The following PCDHA4 variants were observed in gnomAD, a reference collection of about 807,000 sequenced individuals.
The protein encoded by PCDHA4 is protocadherin alpha 4.
PCDHA4 carries 49 observed loss-of-function variants against 61.4 expected under a neutral mutation model. The ratio of observed to expected loss-of-function variants is 0.80; its 90% CI spans 0.63 to 1.01. PCDHA4 has a LOEUF of 1.01. PCDHA4 is among the 50% of genes least tolerant of loss of function. PCDHA4 has a pLI of 0.00. For synonymous variants in PCDHA4, 590 were observed against 550.3 expected (o/e 1.07, Z -1.01); for missense variants, 1,254 against 1,235.8 (o/e 1.01, Z -0.22).
chr5:140,807,106 C>A lies in PCDHA4; in HGVS notation c.-82C>A. The A allele has an allele frequency of 2.1e-6, 3 of 1,458,318 alleles. No individual in the cohort carries two copies. The highest frequency in any genetic ancestry group is 2.8e-6 in the Non-Finnish European group (3 of 1,070,358). 90.3% of individuals were successfully genotyped at this position (1,458,318 alleles called of 1,614,324 possible). On this transcript the variant is annotated 5_prime_UTR_variant, in exon 1 of 4. It adds an upstream start codon to the 5' untranslated region. Coordinates refer to ENST00000530339, the MANE Select transcript of PCDHA4 (RefSeq NM_018907.4). ...GGAGTCTGAAATATGGAGGATGCAG[C>A]TGCACTTGACTGACCGATTAAAAGA...
chr5:140,876,802 G>C, intron 1 of PCDHA4: 2 of 1,614,248 alleles, frequency 1.2e-6, no homozygotes. Context: ...AGTGTCCGTG[G>C]AGGTGGCCGA....
chr5:140,851,781 A>G, intron 1 of PCDHA4: 1 of 959,776 alleles, frequency 1.0e-6, no homozygotes. Context: ...AATTTAGATG[A>G]GAATTCACTT....
chr5:140,826,533 T>C (rs1313512596), intron 1 of PCDHA4, among the ~76,000 whole-genome samples: 3 of 152,198 alleles, frequency 2.0e-5, no homozygotes, highest in African/African-American at 7.2e-5. Context: ...AAAAGTCTTA[T>C]TGGTGACTCT....
At chr5:140,871,627 G>A (rs1448842330) in intron 1 of PCDHA4, 32 of 1,398,812 alleles carry the variant, frequency 2.3e-5, no homozygotes, top group African/African-American at 4.4e-5. Flanking sequence ...AGATAACAAT[G>A]TCTGTTCATA....
rs57893927 is a variant in PCDHA4, at chr5:140,946,631, T to TATATATATATATATATAC, written c.2386-32317_2386-32316insTATATATATATATATACA. Among the ~76,000 whole-genome samples, 374 of 131,796 alleles carry TATATATATATATATATAC rather than the reference T, an allele frequency of 2.8e-3. 24 individuals carry two copies. The highest frequency in any genetic ancestry group is 0.011 in the African/African-American group (320 of 28,670). 86.5% of individuals were successfully genotyped at this position (131,796 alleles called of 152,430 possible). ...TGTGAAATATATATATATATATATA[T>TATATATATATATATATAC]ACAATGGAATACTCATCAGCCATTA... On this transcript the variant is annotated intron_variant, in intron 1 of 3. Coordinates refer to ENST00000530339, the MANE Select transcript of PCDHA4 (RefSeq NM_018907.4).
At chr5:140,942,907 C>T (rs990206907) in intron 1 of PCDHA4, among the ~76,000 whole-genome samples, 14 of 151,044 alleles carry the variant, frequency 9.3e-5, no homozygotes, top group Non-Finnish European at 1.6e-4. Flanking sequence ...TAAGAATAAG[C>T]GTGAAGAAAA....
intron 1 of PCDHA4, chr5:140,851,075 A>C: frequency 7.4e-7 from 1 of 1,344,688 alleles, no homozygotes; most frequent in South Asian, 2.1e-5. Flanking sequence ...GAGAATTATA[A>C]ACTGTATATT....
At chr5:140,953,911 AG>A (rs1554221121) in intron 1 of PCDHA4, among the ~76,000 whole-genome samples, 1 of 152,120 alleles carries the variant, frequency 6.6e-6, no homozygotes, top group South Asian at 2.1e-4. Flanking sequence ...AGCATCCATT[AG>A]GTATTCTTCC....
At chr5:140,958,925 G>T (rs980567381) in intron 1 of PCDHA4, among the ~76,000 whole-genome samples, 1 of 144,748 alleles carries the variant, frequency 6.9e-6, no homozygotes, top group African/African-American at 2.6e-5. Flanking sequence ...GGGTGTGGTG[G>T]CTCATACTTG....
intron 1 of PCDHA4, chr5:140,863,757 G>A (rs2048159267): frequency 4.1e-6 from 1 of 243,012 alleles, no homozygotes; most frequent in Non-Finnish European, 8.1e-6. Context: ...CCGGCACTTT[G>A]GGAAGCCGAG....
chr5:140,853,275 T>C lies in PCDHA4; in HGVS notation c.2385+43703T>C, dbSNP rs144030935. On this transcript the variant is annotated intron_variant, in intron 1 of 3. Coordinates refer to ENST00000530339, the MANE Select transcript of PCDHA4 (RefSeq NM_018907.4). The stretch of plus-strand genomic sequence containing the variant: ...TTCTCTCTCAGAGTACAAGCTCTCA[T>C]CATATGCAAATTCTCAGAAGGGCTG... The C allele has an allele frequency of 8.2e-6, 8 of 978,484 alleles. No homozygotes were observed. The East Asian group carries it at 9.1e-4, about 111-fold the overall frequency. The allele number at this position is 978,484 out of a possible 1,614,324, so 60.6% of individuals were successfully genotyped here. A position where few individuals can be genotyped will look rare whatever the true frequency, so the allele number is the denominator to read the frequency against.
intron 1 of PCDHA4, among the ~76,000 whole-genome samples, chr5:140,971,002 C>A (rs2096450018): frequency 6.6e-6 from 1 of 152,136 alleles, no homozygotes; most frequent in Non-Finnish European, 1.5e-5. Context: ...CAAAGAGTTT[C>A]CAGAAGTCTT....
intron 1 of PCDHA4, chr5:140,849,720 C>T (rs1184011333): frequency 1.3e-6 from 2 of 1,598,576 alleles, no homozygotes; most frequent in Admixed American, 1.7e-5. Context: ...CTCGTTGGTG[C>T]TGGACAGAGC....
chr5:140,966,958 G>T (rs561982676), intron 1 of PCDHA4: 4 of 1,602,380 alleles, frequency 2.5e-6, no homozygotes, highest in African/African-American at 2.7e-5. Context: ...TGGCTCGCGC[G>T]CTGGGGCTTG....
intron 1 of PCDHA4, chr5:140,857,957 G>T (rs2045052132): frequency 6.3e-7 from 1 of 1,597,294 alleles, no homozygotes; most frequent in African/African-American, 1.3e-5. Flanking sequence ...GCGCGCTCTG[G>T]ATGAGACTGA....
intron 1 of PCDHA4, chr5:140,823,555 C>G: frequency 3.1e-6 from 5 of 1,613,846 alleles, no homozygotes; most frequent in South Asian, 1.1e-5. Context: ...GGCGAAGGTG[C>G]GCGCAGTGGA....
At chr5:141,005,956 A>G (rs1272905916) in intron 3 of PCDHA4, among the ~76,000 whole-genome samples, 2 of 152,020 alleles carry the variant, frequency 1.3e-5, no homozygotes, top group Admixed American at 1.3e-4. Flanking sequence ...CTAACAAACA[A>G]CAATAAAAAA....
intron 1 of PCDHA4, chr5:140,830,007 A>T: frequency 6.2e-7 from 1 of 1,613,948 alleles, no homozygotes; most frequent in Non-Finnish European, 8.5e-7. Context: ...GTCCTGGACG[A>T]AGCGGACTCT....
chr5:140,941,185 CTTT>C (rs782102770), intron 1 of PCDHA4, among the ~76,000 whole-genome samples: 1 of 102,176 alleles, frequency 9.8e-6, no homozygotes, highest in Admixed American at 9.9e-5. Flanking sequence ...CATCCTGCTT[CTTT>C]TTTTTTCTTT....
Sources: gnomAD v4.1 joint callset for allele counts (sites outside exome capture counted in the v4.1 genomes callset) on GRCh38, gnomAD v4.1.1 for gene constraint, MANE v1.5 for transcripts, NCBI Gene and HGNC (gene_info 2026-07-23, HGNC 2026-07-21) for gene names.